ANKRD52: variants seen among roughly 807,000 people sequenced by gnomAD.
The protein encoded by ANKRD52 is ankyrin repeat domain 52.
Under a neutral mutation model 116.0 loss-of-function variants are expected in ANKRD52, and 7 were observed. The observed-to-expected ratio is 0.06, with a 90% CI of 0.03 to 0.11. ANKRD52 has a LOEUF of 0.11. ANKRD52 is among the 10% of genes least tolerant of loss of function. ANKRD52 has a pLI of 1.00. For synonymous variants in ANKRD52, 528 were observed against 578.1 expected (o/e 0.91, Z 1.24); for missense variants, 839 against 1,408.6 (o/e 0.60, Z 6.47).
At position 56,243,040 on chromosome 12, in the gene ANKRD52, C is replaced by T; in HGVS notation, c.*102G>A. 2.8e-6 allele frequency: 4 copies of T among 1,413,452 alleles called. No individual in the cohort carries two copies. The highest frequency in any genetic ancestry group is 3.7e-6 in the Non-Finnish European group (4 of 1,073,482). 87.6% of individuals were successfully genotyped at this position (1,413,452 alleles called of 1,614,324 possible). The stretch of plus-strand genomic sequence containing the variant: ...GCTTCCTTCCCCTCCGCCCCCTCCA[C>T]CCAGTCGTGTTCTCCTTTAAAGTGC... On this transcript the variant is annotated 3_prime_UTR_variant, in exon 28 of 28. Coordinates refer to ENST00000267116, the MANE Select transcript of ANKRD52 (RefSeq NM_173595.4). The surrounding 1 kb of genome is among the most constrained non-coding windows in gnomAD (Gnocchi z 4.6).
Position 56,255,828 on chromosome 12 carries a change from C to A in ANKRD52, c.418G>T (p.Gly140Trp), listed in dbSNP as rs867579408. 6.3e-7 allele frequency: 1 copy of A among 1,583,018 alleles called. No homozygotes were observed. Reference sequence around the variant, plus strand: ...ACTGCATGGTGCAGAGCACTGCGCCCGCTCCTGTCAGCCACGTTGAGGCTG... The same window carrying A: ...ACTGCATGGTGCAGAGCACTGCGCCAGCTCCTGTCAGCCACGTTGAGGCTG... The part of the protein sequence containing the change: ...LSSLNVADRS[G>W]RSALHHAVHS... The change falls in exon 5 of 28, where the codon GGG (glycine) becomes TGG (tryptophan). Residue 140 changes from glycine to tryptophan, a missense_variant. Around this residue, in one of 2 missense-constraint regions of ANKRD52, gnomAD observed 287 missense variants for 598.1 expected, o/e 0.48. Coordinates refer to ENST00000267116, the MANE Select transcript of ANKRD52 (RefSeq NM_173595.4). This position sits in a 1 kb window ranked among gnomAD's most constrained non-coding sequence, Gnocchi z 4.3.
At position 56,254,756 on chromosome 12, in the gene ANKRD52, G is replaced by A. The variant is rs1871867006; in HGVS notation, c.551-36C>T. ...AGAAGACACTCTAAAGGAAGTAGAA[G>A]GTAAACTCTAAGACCCTACACTCCT... On this transcript the variant is annotated intron_variant, in intron 6 of 27. Transcript: ENST00000267116. This position sits in a 1 kb window ranked among gnomAD's most constrained non-coding sequence, Gnocchi z 4.6. The A allele has an allele frequency of 1.2e-6, 2 of 1,600,078 alleles. No homozygotes were observed. The highest frequency in any genetic ancestry group is 1.7e-6 in the Non-Finnish European group (2 of 1,168,904).
In ANKRD52 at chr12:56,237,875, C is replaced by T; in HGVS notation, c.*5267G>A. 9.4e-7 allele frequency: 1 copy of T among 1,065,894 alleles called. No individual in the cohort carries two copies. The highest frequency in any genetic ancestry group is 1.3e-6 in the Non-Finnish European group (1 of 778,694). 66.0% of individuals were successfully genotyped at this position (1,065,894 alleles called of 1,614,324 possible). On this transcript the variant is annotated 3_prime_UTR_variant, in exon 28 of 28. Coordinates refer to ENST00000267116, the MANE Select transcript of ANKRD52 (RefSeq NM_173595.4). ...ATGACTACGACAGTTGTACTTGCACCAAAACAGCATAGAAAACCAGAGTGT... is the reference window on the plus strand; with the variant it reads ...ATGACTACGACAGTTGTACTTGCACTAAAACAGCATAGAAAACCAGAGTGT...
chr12:56,249,721 T>G (rs1871590117), intron 15 of ANKRD52, among the ~76,000 whole-genome samples: 1 of 152,206 alleles, frequency 6.6e-6, no homozygotes, highest in African/African-American at 2.4e-5. Flanking sequence ...CTCGCCAACA[T>G]GGCGAAACCC....
Position 56,243,221 on chromosome 12 carries a change from G to A in ANKRD52, c.3152C>T (p.Ala1051Val), listed in dbSNP as rs1295312220. 19 of 1,613,512 alleles carry A rather than the reference G, an allele frequency of 1.2e-5. No homozygotes were observed. Among genetic ancestry groups the A allele is most frequent in the Admixed American group, 1.7e-5 (1 of 59,962 alleles). The change falls in exon 28 of 28, where the codon GCC (alanine) becomes GTC (valine). Residue 1051 changes from alanine (A) to valine (V), a missense_variant. Transcript: ENST00000267116. This position sits in a 1 kb window ranked among gnomAD's most constrained non-coding sequence, Gnocchi z 4.6. ...GGGGCAGGAGGCCCCATGGGGCAGGGCGCCGCAGCCACCCACCGTCTTGGC... is the reference window on the plus strand; with the variant it reads ...GGGGCAGGAGGCCCCATGGGGCAGGACGCCGCAGCCACCCACCGTCTTGGC... ...AAAKTVGGCG[A>V]LPHGASCPYS...
chr12:56,244,697 T>A lies in ANKRD52; in HGVS notation c.2677A>T (p.Thr893Ser), dbSNP rs763574836. 3.1e-6 allele frequency: 5 copies of A among 1,613,950 alleles called. No homozygotes were observed. Among genetic ancestry groups the A allele is most frequent in the East Asian group, 2.2e-5 (1 of 44,884 alleles). The change falls in exon 24 of 28, where the codon ACT (threonine) becomes TCT (serine). Residue 893 changes from threonine (T) to serine (S), a missense_variant. Physicochemically the swap from Thr to Ser is moderately conservative, Grantham distance 58 (BLOSUM62 1). Transcript: ENST00000267116. This position sits in a 1 kb window ranked among gnomAD's most constrained non-coding sequence, Gnocchi z 4.9. The part of the protein sequence containing the change: ...EVNATDHTGR[T>S]ALMTAAENGQ... Reference sequence around the variant, plus strand: ...TTCTCAGCCGCCGTCATGAGCGCAGTGCGGCCAGTGTGGTCAGTGGCGTTC... The same window carrying A: ...TTCTCAGCCGCCGTCATGAGCGCAGAGCGGCCAGTGTGGTCAGTGGCGTTC...
chr12:56,252,203 A>G lies in ANKRD52; in HGVS notation c.1483T>C (p.Tyr495His). 1 of 1,613,982 alleles carries G rather than the reference A, an allele frequency of 6.2e-7. No individual in the cohort carries two copies. The highest frequency in any genetic ancestry group is 8.5e-7 in the Non-Finnish European group (1 of 1,179,890). ...CTGTAAGTGTCAGAAGCGGCAGCGT[A>G]GTGGAGGGGAGAGCAGCCTTTACAG... ...ADCKGCSPLH[Y>H]AAASDTYRRA... Residue 495 changes from tyrosine (Y) to histidine (H), a missense_variant, in exon 14 of 28, where the codon TAC becomes CAC. This residue lies in a region of ANKRD52 where 552 missense variants were observed against 810.6 expected (regional missense o/e 0.68). Transcript: ENST00000267116. The surrounding 1 kb of genome is among the most constrained non-coding windows in gnomAD (Gnocchi z 4.7).
Position 56,253,090 on chromosome 12 carries a change from G to A in ANKRD52, c.1101-4C>T. 3 of 1,564,092 alleles carry A rather than the reference G, an allele frequency of 1.9e-6. No individual in the cohort carries two copies. The highest frequency in any genetic ancestry group is 2.6e-6 in the Non-Finnish European group (3 of 1,155,314). On this transcript the variant is annotated splice_region_variant and splice_polypyrimidine_tract_variant and intron_variant, in intron 10 of 27. Transcript: ENST00000267116. The surrounding 1 kb of genome is among the most constrained non-coding windows in gnomAD (Gnocchi z 5.5). ...GAACATGTCATGGATGCCACGCCTAGAGAGAAGTTGAGGGACTCAGTCCTT... is the reference window on the plus strand; with the variant it reads ...GAACATGTCATGGATGCCACGCCTAAAGAGAAGTTGAGGGACTCAGTCCTT...
intron 20 of ANKRD52, 26 bp from the exon 21 acceptor site, chr12:56,245,622 G>A: frequency 6.3e-7 from 1 of 1,593,754 alleles, no homozygotes; most frequent in Non-Finnish European, 8.5e-7. Context: ...GGGTGTGAGG[G>A]GGATGAAAAG....
Position 56,244,399 on chromosome 12 carries a change from A to G in ANKRD52, c.2759T>C (p.Val920Ala), listed in dbSNP as rs1445957790. 6.2e-7 allele frequency: 1 copy of G among 1,613,990 alleles called. No homozygotes were observed. The highest frequency in any genetic ancestry group is 8.5e-7 in the Non-Finnish European group (1 of 1,179,892). ...LLYRGKADLT[V>A]LDENKNTALH... ...GGCCGTGTTCTTGTTCTCATCCAAC[A>G]CAGTAAGGTCTGCCTTCCCTCGATA... is the stretch of plus-strand genomic sequence containing the variant. Residue 920 changes from valine to alanine, a missense_variant, in exon 25 of 28, where the codon GTG becomes GCG. Transcript: ENST00000267116. This position sits in a 1 kb window ranked among gnomAD's most constrained non-coding sequence, Gnocchi z 4.9.
rs1299560134 is a variant in ANKRD52 at position 56,255,732 on chromosome 12, A to G, written c.462+52T>C. 1 of 1,497,300 alleles carries G rather than the reference A, an allele frequency of 6.7e-7. No homozygotes were observed. The highest frequency in any genetic ancestry group is 9.1e-7 in the Non-Finnish European group (1 of 1,103,916). 92.8% of individuals were successfully genotyped at this position (1,497,300 alleles called of 1,614,324 possible). On this transcript the variant is annotated intron_variant, in intron 5 of 27. Coordinates refer to ENST00000267116, the MANE Select transcript of ANKRD52 (RefSeq NM_173595.4). This position sits in a 1 kb window ranked among gnomAD's most constrained non-coding sequence, Gnocchi z 4.3. ...CCAGAAGCAGGGAAACGTGAGTAGG[A>G]AGGTAAGAAAAGGGAAAGCCCCAGC... is the stretch of plus-strand genomic sequence containing the variant.
rs972905276 is a variant in ANKRD52, at chr12:56,252,477, T to A, written c.1370+25A>T. On this transcript the variant is annotated intron_variant, in intron 13 of 27. Coordinates refer to ENST00000267116, the MANE Select transcript of ANKRD52 (RefSeq NM_173595.4). This position sits in a 1 kb window ranked among gnomAD's most constrained non-coding sequence, Gnocchi z 4.7. ...TGTTTCTCTAATCAGATATTCCCTA[T>A]GTTTACCCCTGCATATTAGCATACC... is the stretch of plus-strand genomic sequence containing the variant. 5.0e-6 allele frequency: 8 copies of A among 1,608,102 alleles called. No homozygotes were observed. The highest frequency in any genetic ancestry group is 6.0e-6 in the Non-Finnish European group (7 of 1,174,686).
Position 56,247,820 on chromosome 12 carries a change from G to C in ANKRD52, c.1979-46C>G, listed in dbSNP as rs369679284. The C allele has an allele frequency of 1.3e-5, 21 of 1,575,302 alleles. No homozygotes were observed. In the African/African-American group the frequency reaches 2.7e-4, roughly 20 times the overall value. On this transcript the variant is annotated intron_variant, in intron 18 of 27. Transcript: ENST00000267116. ...GTCAGGGCAGGGCCAGGAGGAAGAAGGGAGGCAAGGTCAAGCCTAAAGGAC... is the reference window on the plus strand; with the variant it reads ...GTCAGGGCAGGGCCAGGAGGAAGAACGGAGGCAAGGTCAAGCCTAAAGGAC...
At position 56,258,150 on chromosome 12, in the gene ANKRD52, C is replaced by A. The variant is rs1158585942; in HGVS notation, c.27+93G>T. 12 of 1,542,644 alleles carry A rather than the reference C, an allele frequency of 7.8e-6. No homozygotes were observed. The East Asian group carries it at 2.9e-4, about 38-fold the overall frequency. ...GGGCGGGAGCTGCGGGAGCCCCGGGCTCAGGCCCAGCCTAGGCCGCACATC... is the reference window on the plus strand; with the variant it reads ...GGGCGGGAGCTGCGGGAGCCCCGGGATCAGGCCCAGCCTAGGCCGCACATC... On this transcript the variant is annotated intron_variant, in intron 1 of 27. Coordinates refer to ENST00000267116, the MANE Select transcript of ANKRD52 (RefSeq NM_173595.4).
At chr12:56,257,697 T>C (rs1565613613) in intron 2 of ANKRD52, 131 bp downstream of exon 2, 6 of 892,768 alleles carry the variant, frequency 6.7e-6, no homozygotes, top group Non-Finnish European at 7.1e-6. Flanking sequence ...GAGTAGGCTT[T>C]CACTCCAGGA....
chr12:56,246,967 TAATAATAAAC>T (rs1446976340), intron 20 of ANKRD52, among the ~76,000 whole-genome samples: 1 of 133,616 alleles, frequency 7.5e-6, no homozygotes, highest in Admixed American at 7.4e-5. Flanking sequence ...ATAATAATAA[TAATAATAAAC>T]AAAGCACAGA....
chr12:56,245,870 A>G (rs1871377067), intron 20 of ANKRD52, among the ~76,000 whole-genome samples: 1 of 150,038 alleles, frequency 6.7e-6, no homozygotes, highest in South Asian at 2.1e-4. Context: ...AGGTGCCACC[A>G]TGCCCGGCCA....
Position 56,253,824 on chromosome 12 carries a change from G to A in ANKRD52, c.907-24C>T, listed in dbSNP as rs1248119426. The A allele has an allele frequency of 6.2e-7, 1 of 1,610,150 alleles. No homozygotes were observed. On this transcript the variant is annotated intron_variant, in intron 8 of 27. Transcript: ENST00000267116. The surrounding 1 kb of genome is among the most constrained non-coding windows in gnomAD (Gnocchi z 5.5). ...CTCTGTGGAAACATGGTGGGTTTTT[G>A]TTTTTGTTTTTTTTTCCAGTGCAAA...
Position 56,253,545 on chromosome 12 carries a change from C to T in ANKRD52, c.986-143G>A, listed in dbSNP as rs1871801964. On this transcript the variant is annotated intron_variant, in intron 9 of 27. Coordinates refer to ENST00000267116, the MANE Select transcript of ANKRD52 (RefSeq NM_173595.4). The surrounding 1 kb of genome is among the most constrained non-coding windows in gnomAD (Gnocchi z 5.5). ...TACATATTTTATCCTGTTTCTAGGCCTTAGGAGACTGGGCAGGGCAGAGCA... is the reference window on the plus strand; with the variant it reads ...TACATATTTTATCCTGTTTCTAGGCTTTAGGAGACTGGGCAGGGCAGAGCA... The T allele has an allele frequency of 2.1e-6, 2 of 934,734 alleles. No individual in the cohort carries two copies. Among genetic ancestry groups the T allele is most frequent in the Non-Finnish European group, 3.3e-6 (2 of 607,688 alleles). The allele number at this position is 934,734 out of a possible 1,614,324, so 57.9% of individuals were successfully genotyped here.
Sources: gnomAD v4.1 joint callset for allele counts (sites outside exome capture counted in the v4.1 genomes callset) on GRCh38, gnomAD v4.1.1 for gene constraint, gnomAD v4.1.1 regional missense constraint, Gnocchi (gnomAD v3.1) non-coding constraint, MANE v1.5 for transcripts, NCBI Gene and HGNC (gene_info 2026-07-23, HGNC 2026-07-21) for gene names.